EYS: variants seen among roughly 807,000 people sequenced by gnomAD.
EYS encodes the protein EGF-like photoreceptor maintenance factor.
In EYS, 250 loss-of-function variants were observed where a neutral mutation model predicts 282.1. The ratio of observed to expected loss-of-function variants is 0.89; its 90% CI spans 0.80 to 0.98. EYS has a LOEUF of 0.98. EYS is among the 50% of genes least tolerant of loss of function. The pLI is 0.00. For missense variants in EYS, 4,016 were observed against 3,709.0 expected, an observed-to-expected ratio of 1.08 and a Z score of -2.15; for synonymous variants, 1,355 against 1,282.9, an observed-to-expected ratio of 1.06 and a Z score of -1.20.
intron 37 of EYS, among the ~76,000 whole-genome samples, chr6:63,802,981 A>G (rs1352643683): frequency 6.6e-6 from 1 of 152,264 alleles, no homozygotes; most frequent in Non-Finnish European, 1.5e-5. Flanking sequence ...AGAGAGGACT[A>G]GAAAATGTCA....
intron 2 of EYS, among the ~76,000 whole-genome samples, chr6:65,583,083 T>A (rs1487542070): frequency 6.6e-6 from 1 of 152,020 alleles, no homozygotes. Flanking sequence ...TTAAGTTACA[T>A]AAGTGACAAA....
intron 33 of EYS, among the ~76,000 whole-genome samples, chr6:64,017,438 C>G (rs1023343932): frequency 6.6e-6 from 1 of 152,062 alleles, no homozygotes; most frequent in African/African-American, 2.4e-5. Flanking sequence ...CTGGTGAGGT[C>G]TCATAAAAAT....
chr6:64,285,445 C>G (rs867066418), intron 30 of EYS, among the ~76,000 whole-genome samples: 1 of 152,194 alleles, frequency 6.6e-6, no homozygotes, highest in Non-Finnish European at 1.5e-5. Flanking sequence ...TCTGAGACCA[C>G]CTCAGCCTTG....
chr6:65,411,196 G>T (rs1440539804), intron 5 of EYS, among the ~76,000 whole-genome samples: 1 of 151,928 alleles, frequency 6.6e-6, no homozygotes, highest in Non-Finnish European at 1.5e-5. Context: ...ATAAAATGTT[G>T]TTCAACATCA....
intron 28 of EYS, among the ~76,000 whole-genome samples, chr6:64,425,522 T>TAATCCCA (rs1291082201): frequency 2.0e-5 from 3 of 151,608 alleles, no homozygotes; most frequent in Non-Finnish European, 4.4e-5. Context: ...GGTGTGGTGG[T>TAATCCCA]GTCTGCCTGT....
At chr6:63,820,751 A>G (rs2149685670) in intron 36 of EYS, among the ~76,000 whole-genome samples, 1 of 152,242 alleles carries the variant, frequency 6.6e-6, no homozygotes, top group Non-Finnish European at 1.5e-5. Flanking sequence ...ACTCTCATAT[A>G]TGCTGGGGTC....
chr6:63,751,863 C>T (rs190052516), intron 41 of EYS, among the ~76,000 whole-genome samples: 444 of 152,262 alleles, frequency 2.9e-3, no homozygotes, highest in African/African-American at 0.01. Flanking sequence ...CAGTTTAAGT[C>T]ATTTAGTTAT....
In EYS at chr6:64,692,182, A is replaced by G. The variant is rs541782493; in HGVS notation, c.3444-65937T>C. Among the ~76,000 whole-genome samples the G allele has an allele frequency of 2.0e-4, 31 of 152,288 alleles. No individual in the cohort carries two copies. The South Asian group carries it at 4.8e-3, about 23-fold the overall frequency. On this transcript the variant is annotated intron_variant, in intron 22 of 42. Transcript: ENST00000503581. ...GCATCTGTTGTTTTCTGACATTTTA[A>G]TAATAGCCATTCTAATGTGAGATAA... is the stretch of plus-strand genomic sequence containing the variant.
At chr6:65,603,332 G>A (rs1389835781) in intron 2 of EYS, among the ~76,000 whole-genome samples, 5 of 151,864 alleles carry the variant, frequency 3.3e-5, no homozygotes, top group African/African-American at 2.4e-5. Flanking sequence ...AAGATTCACA[G>A]AGTAATGGAC....
At chr6:64,156,487 A>T (rs1353575508) in intron 31 of EYS, among the ~76,000 whole-genome samples, 1 of 152,190 alleles carries the variant, frequency 6.6e-6, no homozygotes, top group Non-Finnish European at 1.5e-5. Context: ...AAGATACCTG[A>T]AAATGTGGAA....
intron 2 of EYS, among the ~76,000 whole-genome samples, chr6:65,540,424 T>A (rs1297600597): frequency 6.6e-6 from 1 of 152,184 alleles, no homozygotes; most frequent in East Asian, 1.9e-4. Context: ...ACATGCCACA[T>A]TTTAAAGCCA....
At chr6:65,357,735 T>G (rs1316306744) in intron 8 of EYS, among the ~76,000 whole-genome samples, 1 of 151,974 alleles carries the variant, frequency 6.6e-6, no homozygotes, top group Non-Finnish European at 1.5e-5. Flanking sequence ...TAAGATGATT[T>G]TTAACTAAAT....
chr6:64,063,362 TTTA>T (rs1019451743), intron 33 of EYS, among the ~76,000 whole-genome samples: 71 of 152,298 alleles, frequency 4.7e-4, no homozygotes, highest in African/African-American at 1.6e-3. Context: ...TCTTGCATTG[TTTA>T]TTATTATCTC....
At chr6:65,424,999 TTA>T (rs1767606001) in intron 5 of EYS, among the ~76,000 whole-genome samples, 1 of 152,054 alleles carries the variant, frequency 6.6e-6, no homozygotes, top group Non-Finnish European at 1.5e-5. Flanking sequence ...TTGCAGACAT[TTA>T]TAATGAATAA....
chr6:63,824,133 A>G (rs1582244136), intron 36 of EYS, among the ~76,000 whole-genome samples: 1 of 152,372 alleles, frequency 6.6e-6, no homozygotes, highest in African/African-American at 2.4e-5. Flanking sequence ...TAACGTAACT[A>G]TAATATGTCA....
At chr6:63,827,507 C>G (rs1771502520) in intron 36 of EYS, among the ~76,000 whole-genome samples, 1 of 152,106 alleles carries the variant, frequency 6.6e-6, no homozygotes, top group African/African-American at 2.4e-5. Context: ...CAGGAAAGAC[C>G]ATATGATAGA....
intron 2 of EYS, among the ~76,000 whole-genome samples, chr6:65,543,210 G>C (rs1327228374): frequency 6.6e-6 from 1 of 151,550 alleles, no homozygotes; most frequent in Non-Finnish European, 1.5e-5. Context: ...GTAGAGACGG[G>C]ATTTCACCAT....
intron 34 of EYS, among the ~76,000 whole-genome samples, 187 bp from the exon 35 acceptor site, chr6:63,984,790 T>C (rs758324871): frequency 1.3e-5 from 2 of 151,816 alleles, no homozygotes; most frequent in Non-Finnish European, 2.9e-5. Flanking sequence ...AAAATGGTCC[T>C]TTTTTACATC....
At chr6:64,096,868 C>G (rs1490214626) in intron 31 of EYS, among the ~76,000 whole-genome samples, 1 of 152,130 alleles carries the variant, frequency 6.6e-6, no homozygotes, top group South Asian at 2.1e-4. Context: ...CTGTTTTTTC[C>G]CCATCTTTGT....
Sources: gnomAD v4.1 joint callset for allele counts (sites outside exome capture counted in the v4.1 genomes callset) on GRCh38, gnomAD v4.1.1 for gene constraint, MANE v1.5 for transcripts, NCBI Gene and HGNC (gene_info 2026-07-23, HGNC 2026-07-21) for gene names.